Variants in TBC1D5 observed in about 807,000 individuals in gnomAD.
TBC1D5 encodes TBC1 domain family, member 5.
In TBC1D5, 75 loss-of-function variants were observed where a neutral mutation model predicts 100.3. The observed-to-expected ratio is 0.75, with a 90% CI of 0.62 to 0.91. The LOEUF is 0.91. Among genes scored for constraint, TBC1D5 ranks in the 40% least tolerant of loss-of-function variants. TBC1D5 has a pLI of 0.00. For synonymous variants in TBC1D5, 323 were observed against 325.6 expected (o/e 0.99, Z 0.09); for missense variants, 910 against 942.4 (o/e 0.97, Z 0.45).
chr3:17,543,591 T>C (rs1160735235), intron 2 of TBC1D5, among the ~76,000 whole-genome samples: 2 of 152,134 alleles, frequency 1.3e-5, no homozygotes, highest in African/African-American at 4.8e-5. Flanking sequence ...TGAGTCATGC[T>C]TGTGCCACTG....
At chr3:17,339,646 T>C (rs2088537972) in intron 13 of TBC1D5, among the ~76,000 whole-genome samples, 1 of 152,200 alleles carries the variant, frequency 6.6e-6, no homozygotes, top group Non-Finnish European at 1.5e-5. Flanking sequence ...AATCTATAAA[T>C]ACAGCATTAG....
intron 2 of TBC1D5, among the ~76,000 whole-genome samples, chr3:17,572,383 A>G (rs2096632726): frequency 6.6e-6 from 1 of 151,690 alleles, no homozygotes; most frequent in South Asian, 2.1e-4. Context: ...CTTTTCATAT[A>G]CATTGCTCCA....
chr3:17,605,521 A>G (rs975537522), intron 2 of TBC1D5, among the ~76,000 whole-genome samples: 1 of 152,222 alleles, frequency 6.6e-6, no homozygotes, highest in Non-Finnish European at 1.5e-5. Flanking sequence ...TAATCATCCC[A>G]CAAACGTTAA....
At chr3:17,266,288 C>T (rs1391002023) in intron 15 of TBC1D5, among the ~76,000 whole-genome samples, 1 of 152,170 alleles carries the variant, frequency 6.6e-6, no homozygotes, top group Non-Finnish European at 1.5e-5. Flanking sequence ...TATAATCCCA[C>T]ATGCTCTCAA....
intron 17 of TBC1D5, among the ~76,000 whole-genome samples, chr3:17,230,690 T>C: frequency 6.6e-6 from 1 of 152,100 alleles, no homozygotes; most frequent in East Asian, 1.9e-4. Flanking sequence ...TATATACAAG[T>C]ATAAATTTTA....
At chr3:17,518,141 G>A (rs1451424662) in intron 2 of TBC1D5, among the ~76,000 whole-genome samples, 1 of 152,142 alleles carries the variant, frequency 6.6e-6, no homozygotes, top group African/African-American at 2.4e-5. Context: ...AAGTGATAGG[G>A]ACCGGGGGCA....
At chr3:17,546,595 C>G (rs1269611915) in intron 2 of TBC1D5, among the ~76,000 whole-genome samples, 1 of 151,192 alleles carries the variant, frequency 6.6e-6, no homozygotes, top group South Asian at 2.1e-4. Context: ...GAGACCCCGT[C>G]TCTACTAAAA....
rs754122890 is a variant in TBC1D5, at chr3:17,287,343, G to A, written c.1245+4552C>T. On this transcript the variant is annotated intron_variant, in intron 15 of 21. Transcript: ENST00000253692. ...AAAATGAGCAGGATCCAGTCCTAAGGCGTAATAACTTACAAAACACACATG... is the reference window on the plus strand; with the variant it reads ...AAAATGAGCAGGATCCAGTCCTAAGACGTAATAACTTACAAAACACACATG... Among the ~76,000 whole-genome samples the A allele has an allele frequency of 1.1e-3, 160 of 152,186 alleles. 1 individual carries two copies. Among genetic ancestry groups the A allele is most frequent in the Non-Finnish European group, 1.8e-3 (121 of 68,038 alleles).
chr3:17,382,537 G>T (rs2092988708), intron 9 of TBC1D5, among the ~76,000 whole-genome samples: 1 of 150,664 alleles, frequency 6.6e-6, no homozygotes, highest in Admixed American at 6.6e-5. Flanking sequence ...CTATTTATTC[G>T]ATTCTTGCTT....
intron 9 of TBC1D5, among the ~76,000 whole-genome samples, chr3:17,383,210 TATACATTATAACTTTTGATTATTAGAGA>T (rs1448584615): frequency 6.6e-6 from 1 of 151,936 alleles, no homozygotes; most frequent in African/African-American, 2.4e-5. Context: ...CTGAATTAGG[TATACATTATAACTTTTGATTATTAGAGA>T]ATTTAAGAAT....
intron 3 of TBC1D5, among the ~76,000 whole-genome samples, chr3:17,492,934 C>T (rs1217837417): frequency 1.3e-5 from 2 of 152,182 alleles, no homozygotes; most frequent in Non-Finnish European, 2.9e-5. Context: ...AGCCCATTTA[C>T]ATTTAAGATT....
At chr3:17,609,322 C>T (rs370570913) in intron 2 of TBC1D5, among the ~76,000 whole-genome samples, 76 of 152,284 alleles carry the variant, frequency 5.0e-4, no homozygotes, top group African/African-American at 1.4e-3. Context: ...CCTTGTTATA[C>T]AACTCCTGCC....
chr3:17,540,153 T>C (rs998437817), intron 2 of TBC1D5, among the ~76,000 whole-genome samples: 2 of 152,230 alleles, frequency 1.3e-5, no homozygotes, highest in Non-Finnish European at 2.9e-5. Context: ...TGGAGAAATG[T>C]TTTTCCAAGT....
intron 1 of TBC1D5, among the ~76,000 whole-genome samples, chr3:17,670,076 T>C (rs987761791): frequency 6.6e-6 from 1 of 152,144 alleles, no homozygotes; most frequent in Non-Finnish European, 1.5e-5. Context: ...TTAGTAGAGA[T>C]GGGTTTTCAC....
At chr3:17,363,495 C>T (rs191764252) in intron 13 of TBC1D5, among the ~76,000 whole-genome samples, 66 of 151,694 alleles carry the variant, frequency 4.4e-4, no homozygotes, top group Admixed American at 4.1e-3. Context: ...GGTCTACTCC[C>T]AGGTCTCTGG....
At chr3:17,432,642 C>A (rs2094464517) in intron 3 of TBC1D5, among the ~76,000 whole-genome samples, 1 of 151,954 alleles carries the variant, frequency 6.6e-6, no homozygotes, top group Non-Finnish European at 1.5e-5. Flanking sequence ...ATATTTAGTT[C>A]TCTAAATAAT....
At chr3:17,325,279 A>AG (rs2085942491) in intron 13 of TBC1D5, among the ~76,000 whole-genome samples, 1 of 151,684 alleles carries the variant, frequency 6.6e-6, no homozygotes, top group Admixed American at 6.6e-5. Flanking sequence ...AAAAAAAAAA[A>AG]AAAAAGAAAT....
chr3:17,343,719 T>C (rs2089391814), intron 13 of TBC1D5, among the ~76,000 whole-genome samples: 1 of 152,192 alleles, frequency 6.6e-6, no homozygotes, highest in Non-Finnish European at 1.5e-5. Flanking sequence ...TTGAGGAATT[T>C]ATCCATTTCT....
At chr3:17,651,856 A>G (rs577805918) in intron 1 of TBC1D5, among the ~76,000 whole-genome samples, 2 of 152,284 alleles carry the variant, frequency 1.3e-5, no homozygotes, top group South Asian at 2.1e-4. Context: ...TATGCATAAG[A>G]GTGAAAACTC....
Sources: allele counts gnomAD v4.1 joint callset (sites outside exome capture counted in the v4.1 genomes callset), GRCh38; gene constraint gnomAD v4.1.1; transcripts MANE v1.5; gene names NCBI Gene and HGNC (gene_info 2026-07-23, HGNC 2026-07-21).